Variants in TCP11L1 observed in about 807,000 individuals in gnomAD.
The protein encoded by TCP11L1 is T-complex protein 11-like protein 1.
A neutral mutation model predicts 48.9 loss-of-function variants in TCP11L1; 28 were observed. That is an observed-to-expected ratio of 0.57 (90% confidence interval 0.42 to 0.78). The LOEUF (loss-of-function observed/expected upper bound fraction) is 0.78. Among genes scored for constraint, TCP11L1 ranks in the 30% least tolerant of loss-of-function variants. The probability of loss-of-function intolerance (pLI) is 0.00; values close to 1 mark genes in which losing one functional copy is unlikely to be tolerated. For synonymous variants in TCP11L1, 204 were observed against 231.9 expected (o/e 0.88, Z 1.09); for missense variants, 505 against 613.4 (o/e 0.82, Z 1.87).
chr11:33,053,589 A>G (rs1223461567), intron 2 of TCP11L1, among the ~76,000 whole-genome samples: 1 of 152,192 alleles, frequency 6.6e-6, no homozygotes, highest in East Asian at 1.9e-4. Context: ...AATCTACAGG[A>G]CTTGGATAAC....
At chr11:33,040,882 G>A (rs1337583725) in intron 1 of TCP11L1, 1 of 152,044 alleles carries the variant, frequency 6.6e-6, no homozygotes, top group Non-Finnish European at 1.5e-5. Flanking sequence ...TCTCCTCCCA[G>A]GCAGAGTTAG....
At chr11:33,046,015 G>A (rs1272054832) in intron 2 of TCP11L1, among the ~76,000 whole-genome samples, 2 of 152,282 alleles carry the variant, frequency 1.3e-5, no homozygotes, top group Non-Finnish European at 2.9e-5. Context: ...AGGAGTGCTA[G>A]AAGCAAGGAG....
chr11:33,068,535 A>G, intron 8 of TCP11L1, 152 bp from the exon 9 acceptor site: 4 of 935,382 alleles, frequency 4.3e-6, no homozygotes, highest in African/African-American at 3.3e-5. Context: ...GCACAGCCTG[A>G]GAGGTAAGGT....
At chr11:33,067,909 A>G (rs549087690) in intron 8 of TCP11L1, among the ~76,000 whole-genome samples, 1 of 151,694 alleles carries the variant, frequency 6.6e-6, no homozygotes, top group South Asian at 2.1e-4. Flanking sequence ...ATTTTTTAAA[A>G]ATTTTTTAAT....
Position 33,058,119 on chromosome 11 carries a change from G to C in TCP11L1, c.618G>C (p.Lys206Asn). The change falls in exon 5 of 10, where the codon AAG becomes AAC. Residue 206 changes from lysine to asparagine, a missense_variant. Transcript: ENST00000334274. ...DEEVKKLKDI[K>N]EIVPLFREIF... The stretch of plus-strand genomic sequence containing the variant: ...AAGTTAAGAAACTAAAGGACATTAA[G>C]GAAATAGTGCCCCTTTTCAGGTATG... 1 of 1,613,458 alleles carries C rather than the reference G, an allele frequency of 6.2e-7. No homozygotes were observed. Among genetic ancestry groups the C allele is most frequent in the Admixed American group, 1.7e-5 (1 of 59,976 alleles).
chr11:33,048,202 C>T (rs1196428885), intron 2 of TCP11L1, among the ~76,000 whole-genome samples: 3 of 143,962 alleles, frequency 2.1e-5, no homozygotes, highest in Non-Finnish European at 4.6e-5. Context: ...TTTTTAAGAC[C>T]GGATCACTCT....
At chr11:33,051,956 A>G (rs938245476) in intron 2 of TCP11L1, among the ~76,000 whole-genome samples, 3 of 152,106 alleles carry the variant, frequency 2.0e-5, no homozygotes, top group South Asian at 2.1e-4. Flanking sequence ...GTGTTTCCCT[A>G]TACATTTTAG....
At chr11:33,069,381 ATAT>A (rs1355753787) in intron 9 of TCP11L1, among the ~76,000 whole-genome samples, 2 of 151,712 alleles carry the variant, frequency 1.3e-5, no homozygotes, top group African/African-American at 4.8e-5. Context: ...TAAAATGGTA[ATAT>A]TAAGATATTG....
In TCP11L1 at chr11:33,043,892, T is replaced by A. The variant is rs1853910040; in HGVS notation, c.119T>A (p.Ile40Lys). 1.9e-6 allele frequency: 3 copies of A among 1,613,712 alleles called. No homozygotes were observed. In the African/African-American group the frequency reaches 4.0e-5, roughly 22 times the overall value. ...GCTGATGAAGCCTTACAAAAAGCAA[T>A]AAAGTCAGACTCCTCCAGCCCCCAA... ...EGADEALQKAIKSDSSSPQRV... is the reference protein window; with the variant it reads ...EGADEALQKAKKSDSSSPQRV... Residue 40 changes from isoleucine (I) to lysine (K), a missense_variant, in exon 2 of 10, where the codon ATA (isoleucine) becomes AAA (lysine). By Grantham distance (102) the Ile-to-Lys change is moderately radical (BLOSUM62 -3). Around this residue, in one of 3 missense-constraint regions of TCP11L1, gnomAD observed 168 missense variants for 183.5 expected, o/e 0.92. Transcript: ENST00000334274.
chr11:33,042,381 T>G (rs1427404826), intron 1 of TCP11L1, among the ~76,000 whole-genome samples: 1 of 152,164 alleles, frequency 6.6e-6, no homozygotes, highest in Non-Finnish European at 1.5e-5. Flanking sequence ...CCGCCTGTTT[T>G]AGGCCTGTTT....
chr11:33,053,582 C>A (rs1314614119), intron 2 of TCP11L1, among the ~76,000 whole-genome samples: 1 of 152,158 alleles, frequency 6.6e-6, no homozygotes, highest in Non-Finnish European at 1.5e-5. Context: ...GAAGTAAAAT[C>A]TACAGGACTT....
At chr11:33,043,663 T>A in intron 1 of TCP11L1, 87 bp from the exon 2 acceptor site, 1 of 1,169,752 alleles carries the variant, frequency 8.5e-7, no homozygotes, top group Non-Finnish European at 1.2e-6. Flanking sequence ...CCCAAAGAGG[T>A]TAAATGATTT....
intron 1 of TCP11L1, among the ~76,000 whole-genome samples, chr11:33,042,991 G>A (rs902404566): frequency 3.3e-5 from 5 of 152,186 alleles, no homozygotes; most frequent in African/African-American, 2.4e-5. Context: ...ACTTGAAACC[G>A]GAAGGTGGAA....
At chr11:33,058,312 C>T (rs893536607) in intron 5 of TCP11L1, among the ~76,000 whole-genome samples, 173 bp downstream of exon 5, 1 of 151,742 alleles carries the variant, frequency 6.6e-6, no homozygotes, top group Non-Finnish European at 1.5e-5. Flanking sequence ...AATTGTCGTG[C>T]CTCAGCCTCC....
At chr11:33,061,937 C>G (rs761455592) in intron 7 of TCP11L1, among the ~76,000 whole-genome samples, 31 of 152,082 alleles carry the variant, frequency 2.0e-4, no homozygotes, top group Non-Finnish European at 3.8e-4. Context: ...AAAAAATTAG[C>G]TGGGCGTGGT....
chr11:33,067,516 A>T (rs1357117196), intron 8 of TCP11L1, among the ~76,000 whole-genome samples: 1 of 152,216 alleles, frequency 6.6e-6, no homozygotes, highest in Non-Finnish European at 1.5e-5. Flanking sequence ...CTGAGGGCCT[A>T]GCCTGAGGCC....
intron 7 of TCP11L1, among the ~76,000 whole-genome samples, chr11:33,064,132 C>G (rs565067648): frequency 8.5e-5 from 13 of 152,082 alleles, no homozygotes; most frequent in Middle Eastern, 3.4e-3. Context: ...TGAATAAACC[C>G]TCTCGTAAAA....
chr11:33,046,538 A>G (rs2133695686), intron 2 of TCP11L1, among the ~76,000 whole-genome samples: 1 of 152,344 alleles, frequency 6.6e-6, no homozygotes. Context: ...GTTTTTAGGA[A>G]TAAGGTCGTG....
At chr11:33,051,733 A>G (rs1316332458) in intron 2 of TCP11L1, among the ~76,000 whole-genome samples, 1 of 152,120 alleles carries the variant, frequency 6.6e-6, no homozygotes. Context: ...TACATGAGCC[A>G]CCGTGCCCGG....
Sources: allele counts gnomAD v4.1 joint callset (sites outside exome capture counted in the v4.1 genomes callset), GRCh38; gene constraint gnomAD v4.1.1; regional missense constraint gnomAD v4.1.1; transcripts MANE v1.5; gene names NCBI Gene and HGNC (gene_info 2026-07-23, HGNC 2026-07-21).